KLC1: variants seen among roughly 807,000 people sequenced by gnomAD.
KLC1 encodes kinesin light chain 1.
KLC1 carries 30 observed loss-of-function variants against 84.2 expected under a neutral mutation model. The observed-to-expected ratio is 0.36, with a 90% CI of 0.27 to 0.48. KLC1 has a LOEUF of 0.48. Ranked by LOEUF, KLC1 falls within the 20% of genes least tolerant of loss-of-function variation. The probability of loss-of-function intolerance (pLI) is 0.99; values close to 1 mark genes in which losing one functional copy is unlikely to be tolerated. For synonymous variants in KLC1, 289 were observed against 293.3 expected (o/e 0.99, Z 0.15); for missense variants, 499 against 805.4 (o/e 0.62, Z 4.60).
At chr14:103,699,144 G>T in intron 15 of KLC1, 1 of 1,572,178 alleles carries the variant, frequency 6.4e-7, no homozygotes, top group Non-Finnish European at 8.6e-7. Context: ...CCAGCGGCCC[G>T]TGTGCTGCGC....
At chr14:103,657,467 C>A in intron 2 of KLC1, 79 bp from the exon 3 acceptor site, 1 of 1,081,426 alleles carries the variant, frequency 9.2e-7, no homozygotes. Flanking sequence ...ACAGCCCCAG[C>A]CACAGAATGT....
chr14:103,693,791 A>G lies in KLC1; in HGVS notation c.1848+1366A>G, dbSNP rs1482375336. 1 of 1,414,724 alleles carries G rather than the reference A, an allele frequency of 7.1e-7. No individual in the cohort carries two copies. The highest frequency in any genetic ancestry group is 1.4e-5 in the African/African-American group (1 of 69,022). The allele number at this position is 1,414,724 out of a possible 1,614,324, so 87.6% of individuals were successfully genotyped here. Reference sequence around the variant, plus strand: ...CAAAACACCCGGGAGGCCGTGCCTCAGCATTCTGTTACTCGGCCTGCAGCC... The same window carrying G: ...CAAAACACCCGGGAGGCCGTGCCTCGGCATTCTGTTACTCGGCCTGCAGCC... On this transcript the variant is annotated intron_variant, in intron 15 of 16. Transcript: ENST00000334553. The surrounding 1 kb of genome is among the most constrained non-coding windows in gnomAD (Gnocchi z 5.1).
intron 1 of KLC1, among the ~76,000 whole-genome samples, chr14:103,632,721 C>CAA (rs903877881): frequency 1.3e-5 from 2 of 151,284 alleles, no homozygotes; most frequent in Non-Finnish European, 2.9e-5. Context: ...AACTCTGCCT[C>CAA]AAAAAAAATA....
At chr14:103,679,628 T>A in intron 13 of KLC1, 83 bp downstream of exon 13, 1 of 985,598 alleles carries the variant, frequency 1.0e-6, no homozygotes, top group Non-Finnish European at 1.6e-6. Flanking sequence ...TCTCATGTGC[T>A]AGACCTTCTG....
chr14:103,679,640 T>C (rs1428878732), intron 13 of KLC1, 95 bp downstream of exon 13: 1 of 856,506 alleles, frequency 1.2e-6, no homozygotes, highest in Admixed American at 2.5e-5. Context: ...GACCTTCTGC[T>C]TTTCTCAAAT....
intron 9 of KLC1, 80 bp downstream of exon 9, chr14:103,673,511 AC>A (rs2080593347): frequency 4.6e-6 from 4 of 870,040 alleles, no homozygotes; most frequent in Non-Finnish European, 7.1e-6. Flanking sequence ...AGTATTAGTT[AC>A]TGTTTATTAA....
chr14:103,670,343 T>G, intron 7 of KLC1, 60 bp downstream of exon 7: 3 of 1,223,510 alleles, frequency 2.5e-6, no homozygotes, highest in Admixed American at 4.5e-5. Flanking sequence ...TGTGTGGTTT[T>G]TTTTTTTTTT....
intron 14 of KLC1, among the ~76,000 whole-genome samples, chr14:103,691,596 G>C (rs2082120166): frequency 6.7e-6 from 1 of 149,114 alleles, no homozygotes; most frequent in Non-Finnish European, 1.5e-5. Flanking sequence ...AGCCTCCCAA[G>C]TAGCTGGAAT....
intron 1 of KLC1, among the ~76,000 whole-genome samples, chr14:103,648,345 T>G (rs2078116116): frequency 6.6e-6 from 1 of 152,238 alleles, no homozygotes; most frequent in Admixed American, 6.5e-5. Context: ...TTATTTTGAT[T>G]TATTTTTTAC....
intron 1 of KLC1, among the ~76,000 whole-genome samples, chr14:103,641,601 A>G (rs1043265209): frequency 6.6e-6 from 1 of 151,908 alleles, no homozygotes; most frequent in East Asian, 1.9e-4. Context: ...AAATTTAATA[A>G]TAATTATTTT....
In KLC1 at chr14:103,653,467, G is replaced by A. The variant is rs146091241; in HGVS notation, c.-1-1097G>A. On this transcript the variant is annotated intron_variant, in intron 1 of 16. Transcript: ENST00000334553. The stretch of plus-strand genomic sequence containing the variant: ...CCCCTGAGTAGCTGGGACCACAGGC[G>A]TGTGCCAGCACACTCACCTAATTTT... Among the ~76,000 whole-genome samples, 96 of 152,282 alleles carry A rather than the reference G, an allele frequency of 6.3e-4. No homozygotes were observed. In the Middle Eastern group the frequency reaches 0.01, roughly 16 times the overall value.
At chr14:103,636,564 C>T (rs928676788) in intron 1 of KLC1, among the ~76,000 whole-genome samples, 9 of 151,856 alleles carry the variant, frequency 5.9e-5, no homozygotes, top group Non-Finnish European at 1.2e-4. Context: ...GGTATAGTGG[C>T]ATCTTGTTAG....
At chr14:103,699,901 G>A in intron 15 of KLC1, 1 of 396,840 alleles carries the variant, frequency 2.5e-6, no homozygotes, top group South Asian at 2.2e-5. Context: ...TCCTTGCGGG[G>A]GTCTGCTCTC....
chr14:103,698,350 G>T (rs3212117), intron 15 of KLC1: 3,032 of 225,404 alleles, frequency 0.013, 80 homozygotes, highest in African/African-American at 0.059. Context: ...GGACTGCCCT[G>T]TGTGCAGGAG....
At chr14:103,675,057 G>C (rs911362994) in intron 9 of KLC1, among the ~76,000 whole-genome samples, 1 of 152,128 alleles carries the variant, frequency 6.6e-6, no homozygotes, top group Non-Finnish European at 1.5e-5. Context: ...GGCTGGGCGC[G>C]GTGGCTCACG....
At chr14:103,664,806 C>T (rs1206481472) in intron 5 of KLC1, among the ~76,000 whole-genome samples, 1 of 146,776 alleles carries the variant, frequency 6.8e-6, no homozygotes, top group African/African-American at 2.5e-5. Context: ...TGAACCACTG[C>T]ACTTGGCCAA....
intron 1 of KLC1, among the ~76,000 whole-genome samples, chr14:103,649,749 G>A (rs1181613384): frequency 3.3e-5 from 5 of 150,788 alleles, no homozygotes; most frequent in African/African-American, 1.2e-4. Flanking sequence ...AGGCTGGAGT[G>A]CAGTGGCGCC....
chr14:103,686,933 T>C (rs1448689420), intron 13 of KLC1, 148 bp from the exon 14 acceptor site: 6 of 434,162 alleles, frequency 1.4e-5, no homozygotes, highest in Non-Finnish European at 2.6e-5. Context: ...ACGTACATGG[T>C]AATTGGTGGT....
rs28422071 is a variant in KLC1, at chr14:103,629,741, T to G, written c.-2+247T>G. 5.4e-3 allele frequency among the ~76,000 whole-genome samples: 806 copies of G among 150,436 alleles called. 5 individuals carry two copies. Among genetic ancestry groups the G allele is most frequent in the African/African-American group, 0.019 (774 of 40,858 alleles). On this transcript the variant is annotated intron_variant, in intron 1 of 16. Transcript: ENST00000334553. ...CCCCGGCCCTTTTGCCAGCCCCGGCTCCCGGCGCCGCGCGTCCTCCCCATC... is the reference window on the plus strand; with the variant it reads ...CCCCGGCCCTTTTGCCAGCCCCGGCGCCCGGCGCCGCGCGTCCTCCCCATC...
Sources: gnomAD v4.1 joint callset for allele counts (sites outside exome capture counted in the v4.1 genomes callset) on GRCh38, gnomAD v4.1.1 for gene constraint, Gnocchi (gnomAD v3.1) non-coding constraint, MANE v1.5 for transcripts, NCBI Gene and HGNC (gene_info 2026-07-23, HGNC 2026-07-21) for gene names.